PCDHGA1: variants seen among roughly 807,000 people sequenced by gnomAD.
PCDHGA1 encodes the protein protocadherin gamma-A1.
A neutral mutation model predicts 58.0 loss-of-function variants in PCDHGA1; 32 were observed. The ratio of observed to expected loss-of-function variants is 0.55; its 90% confidence interval spans 0.42 to 0.74. PCDHGA1 has a LOEUF of 0.74. Ranked by LOEUF, PCDHGA1 falls within the 30% of genes least tolerant of loss-of-function variation. The pLI is 0.00. For missense variants in PCDHGA1, 1,205 were observed against 1,182.3 expected (o/e 1.02, Z -0.28); for synonymous variants, 498 against 501.1 (o/e 0.99, Z 0.08).
Position 141,432,465 on chromosome 5 carries a change from C to T in PCDHGA1, c.2422-62342C>T. 3 of 1,614,222 alleles carry T rather than the reference C, an allele frequency of 1.9e-6. No individual in the cohort carries two copies. The highest frequency in any genetic ancestry group is 2.5e-6 in the Non-Finnish European group (3 of 1,180,050). On this transcript the variant is annotated intron_variant, in intron 1 of 3. Transcript: ENST00000517417. This position sits in a 1 kb window ranked among gnomAD's most constrained non-coding sequence, Gnocchi z 6.0. The stretch of plus-strand genomic sequence containing the variant: ...GAGATCCTGTACCCCGCCCTCCCCA[C>T]GGACGGTTCCACTGGCGTGGAGCTG...
intron 1 of PCDHGA1, chr5:141,413,350 G>A: frequency 6.2e-7 from 1 of 1,613,974 alleles, no homozygotes; most frequent in Non-Finnish European, 8.5e-7. Context: ...CTTGGGTCTG[G>A]CGCCCCGGGA....
chr5:141,421,811 T>A, intron 1 of PCDHGA1: 1 of 1,613,766 alleles, frequency 6.2e-7, no homozygotes, highest in Non-Finnish European at 8.5e-7. Flanking sequence ...AATCCAGAGC[T>A]AGTACTGGAG....
intron 1 of PCDHGA1, chr5:141,419,601 C>T (rs753678898): frequency 6.2e-7 from 1 of 1,611,818 alleles, no homozygotes; most frequent in South Asian, 1.1e-5. Context: ...GTGCCGCGGG[C>T]CGCGCAGCCA....
intron 1 of PCDHGA1, among the ~76,000 whole-genome samples, chr5:141,469,403 C>T (rs902543178): frequency 4.6e-5 from 7 of 152,060 alleles, no homozygotes; most frequent in South Asian, 2.1e-4. Context: ...GGTGAAACCC[C>T]GTTTCTACTA....
chr5:141,411,538 C>G (rs1418802121), intron 1 of PCDHGA1: 1 of 152,268 alleles, frequency 6.6e-6, no homozygotes, highest in Non-Finnish European at 1.5e-5. Context: ...GAGCCCTGAT[C>G]TTGCCACTGC....
chr5:141,405,141 A>T (rs749502643), intron 1 of PCDHGA1: 4 of 1,613,862 alleles, frequency 2.5e-6, no homozygotes, highest in African/African-American at 1.3e-5. Flanking sequence ...GCTACCAGTG[A>T]TGGGTTGGCT....
intron 1 of PCDHGA1, chr5:141,423,339 C>T (rs1393650718): frequency 6.2e-7 from 1 of 1,614,072 alleles, no homozygotes; most frequent in Non-Finnish European, 8.5e-7. Flanking sequence ...TCTCCTGCAT[C>T]TTCCTGGTCT....
intron 1 of PCDHGA1, chr5:141,394,190 G>A (rs1370592594): frequency 1.9e-6 from 3 of 1,613,800 alleles, no homozygotes; most frequent in African/African-American, 1.3e-5. Context: ...CCTACTCAGC[G>A]TATATCCTAG....
chr5:141,423,219 T>G (rs775170753), intron 1 of PCDHGA1: 4 of 1,613,752 alleles, frequency 2.5e-6, no homozygotes, highest in Non-Finnish European at 3.4e-6. Context: ...TCACCGTGGC[T>G]GTGGCCGACA....
At chr5:141,370,824 G>A (rs754309102) in intron 1 of PCDHGA1, 3 of 1,613,996 alleles carry the variant, frequency 1.9e-6, no homozygotes, top group Middle Eastern at 1.7e-4. Context: ...GGAAATCAGC[G>A]AACTGGCTCT....
intron 1 of PCDHGA1, chr5:141,390,010 T>C: frequency 6.2e-7 from 1 of 1,614,044 alleles, no homozygotes; most frequent in East Asian, 2.2e-5. Context: ...ATTCTGGCCA[T>C]TGCCTTGCGC....
In PCDHGA1 at chr5:141,485,632, G is replaced by A. The variant is rs1335265010; in HGVS notation, c.2422-9175G>A. On this transcript the variant is annotated intron_variant, in intron 1 of 3. Transcript: ENST00000517417. This position sits in a 1 kb window ranked among gnomAD's most constrained non-coding sequence, Gnocchi z 5.7. ...CAGCTCCTCCAGGACAGCGTTTCCCGTTGGAAAAGGCTCAGGATGCAGATG... is the reference window on the plus strand; with the variant it reads ...CAGCTCCTCCAGGACAGCGTTTCCCATTGGAAAAGGCTCAGGATGCAGATG... 1.2e-6 allele frequency: 2 copies of A among 1,611,766 alleles called. No homozygotes were observed. The highest frequency in any genetic ancestry group is 1.7e-6 in the Non-Finnish European group (2 of 1,178,342).
intron 2 of PCDHGA1, among the ~76,000 whole-genome samples, chr5:141,503,595 G>T (rs6892628): frequency 0.52 from 72,995 of 139,870 alleles, 19,322 homozygotes; most frequent in African/African-American, 0.64. Flanking sequence ...CGAGACTCCA[G>T]CTCAAAAAAA....
At chr5:141,420,412 T>G in intron 1 of PCDHGA1, 1 of 1,225,004 alleles carries the variant, frequency 8.2e-7, no homozygotes, top group African/African-American at 1.6e-5. Flanking sequence ...TGGTTATCAT[T>G]ATTAAAACAA....
chr5:141,375,174 C>G (rs765614006), intron 1 of PCDHGA1: 7 of 1,613,886 alleles, frequency 4.3e-6, no homozygotes, highest in East Asian at 4.5e-5. Flanking sequence ...CCTCCAGGAA[C>G]AGTAATCGCC....
chr5:141,370,739 C>CT (rs772637726), intron 1 of PCDHGA1: 1 of 1,613,910 alleles, frequency 6.2e-7, no homozygotes, highest in Non-Finnish European at 8.5e-7. Flanking sequence ...AGCCTTTAAA[C>CT]TTTTTTCATG....
intron 1 of PCDHGA1, chr5:141,399,730 T>G: frequency 2.5e-6 from 4 of 1,613,266 alleles, no homozygotes; most frequent in Non-Finnish European, 8.5e-7. Context: ...CGACCAGGGC[T>G]CGCCTGCGCT....
intron 1 of PCDHGA1, among the ~76,000 whole-genome samples, chr5:141,454,120 T>C (rs956675583): frequency 6.6e-5 from 10 of 152,228 alleles, no homozygotes; most frequent in African/African-American, 2.4e-4. Context: ...ATAGAAGAAA[T>C]AGCTGACCAT....
intron 1 of PCDHGA1, chr5:141,388,006 T>C (rs1353495946): frequency 6.7e-7 from 1 of 1,482,372 alleles, no homozygotes; most frequent in African/African-American, 1.4e-5. Flanking sequence ...CCCGAGGAAA[T>C]GCCCAAGGGC....
Sources: allele counts gnomAD v4.1 joint callset (sites outside exome capture counted in the v4.1 genomes callset), GRCh38; gene constraint gnomAD v4.1.1; non-coding constraint Gnocchi (gnomAD v3.1); transcripts MANE v1.5; gene names NCBI Gene and HGNC (gene_info 2026-07-23, HGNC 2026-07-21).